Variants in MACROD2 observed in about 807,000 individuals in gnomAD.
The protein encoded by MACROD2 is ADP-ribose glycohydrolase MACROD2.
Under a neutral mutation model 70.4 loss-of-function variants are expected in MACROD2, and 36 were observed. That is an observed-to-expected ratio of 0.51 (90% confidence interval 0.39 to 0.68). MACROD2 has a LOEUF of 0.68. Ranked by LOEUF, MACROD2 falls within the 30% of genes least tolerant of loss-of-function variation. The pLI, the probability that MACROD2 is intolerant of heterozygous loss-of-function variation, is 0.00. For synonymous variants in MACROD2, 172 were observed against 178.8 expected, an observed-to-expected ratio of 0.96 and a Z score of 0.30; for missense variants, 496 against 538.4, an observed-to-expected ratio of 0.92 and a Z score of 0.78.
At chr20:15,266,873 C>G (rs1239344662) in intron 6 of MACROD2, among the ~76,000 whole-genome samples, 1 of 152,188 alleles carries the variant, frequency 6.6e-6, no homozygotes, top group Non-Finnish European at 1.5e-5. Flanking sequence ...CGTTTCTATG[C>G]AAGACATTCA....
At chr20:14,747,878 A>T (rs889460950) in intron 5 of MACROD2, among the ~76,000 whole-genome samples, 2 of 152,082 alleles carry the variant, frequency 1.3e-5, no homozygotes, top group Non-Finnish European at 2.9e-5. Flanking sequence ...CTGCATGTCT[A>T]CTAGGACAGT....
chr20:14,663,251 G>T (rs149008009), intron 4 of MACROD2, among the ~76,000 whole-genome samples: 18 of 152,118 alleles, frequency 1.2e-4, no homozygotes, highest in African/African-American at 2.4e-4. Flanking sequence ...AATGCCACAG[G>T]TTCTGACTTC....
chr20:14,587,049 T>C (rs954403993), intron 4 of MACROD2, among the ~76,000 whole-genome samples: 3 of 151,960 alleles, frequency 2.0e-5, no homozygotes, highest in African/African-American at 4.8e-5. Flanking sequence ...TTTTATAATA[T>C]CAGGTTTTAT....
intron 3 of MACROD2, among the ~76,000 whole-genome samples, chr20:14,279,076 C>T (rs1025644850): frequency 1.1e-4 from 16 of 151,998 alleles, no homozygotes; most frequent in Non-Finnish European, 2.1e-4. Flanking sequence ...CCAGGCAGGG[C>T]AGGGGAGAAT....
At chr20:15,197,607 T>G (rs199312) in intron 5 of MACROD2, among the ~76,000 whole-genome samples, 30,489 of 152,168 alleles carry the variant, frequency 0.2, 3,459 homozygotes, top group African/African-American at 0.31. Flanking sequence ...TTTTAAGTGA[T>G]TATTCTTTTT....
chr20:14,334,043 A>G (rs2082891797), intron 3 of MACROD2, among the ~76,000 whole-genome samples: 1 of 152,204 alleles, frequency 6.6e-6, no homozygotes, highest in Non-Finnish European at 1.5e-5. Context: ...ACCTGCAGAA[A>G]GCTTTTTATA....
chr20:14,643,730 A>G (rs1415913691), intron 4 of MACROD2, among the ~76,000 whole-genome samples: 1 of 152,154 alleles, frequency 6.6e-6, no homozygotes, highest in Non-Finnish European at 1.5e-5. Flanking sequence ...TACTTGGCAT[A>G]TGTGGCCCCG....
chr20:15,166,668 T>C (rs1020038424), intron 5 of MACROD2, among the ~76,000 whole-genome samples: 2 of 151,876 alleles, frequency 1.3e-5, no homozygotes, highest in Non-Finnish European at 2.9e-5. Flanking sequence ...TTCAAACAAA[T>C]TACAGATAAA....
intron 5 of MACROD2, among the ~76,000 whole-genome samples, chr20:14,721,298 A>C (rs1425939506): frequency 6.6e-6 from 1 of 151,920 alleles, no homozygotes; most frequent in Non-Finnish European, 1.5e-5. Flanking sequence ...AATCTCTCAA[A>C]TGTGAAAGTC....
At chr20:15,276,395 C>G (rs390490) in intron 6 of MACROD2, among the ~76,000 whole-genome samples, 132,719 of 144,674 alleles carry the variant, frequency 0.92, 61,575 homozygotes, top group African/African-American at 0.97. Flanking sequence ...GAGAGACTCC[C>G]TCTCAAAAAA....
In MACROD2 at chr20:15,033,155, G is replaced by T. The variant is rs184834338; in HGVS notation, c.419-196785G>T. Among the ~76,000 whole-genome samples the T allele has an allele frequency of 4.1e-3, 625 of 152,282 alleles. 5 individuals are homozygous for T. The highest frequency in any genetic ancestry group is 0.015 in the African/African-American group (605 of 41,560). On this transcript the variant is annotated intron_variant, in intron 5 of 17. Transcript: ENST00000684519. ...GTTCTGGAAATGGATAGTGGTGATG[G>T]TTGCACAAAACCGTGGATGTAATTA...
chr20:14,284,777 A>G (rs1020926287), intron 3 of MACROD2, among the ~76,000 whole-genome samples: 1 of 152,216 alleles, frequency 6.6e-6, no homozygotes, highest in Admixed American at 6.5e-5. Flanking sequence ...ATGTTGGCCT[A>G]ACTAGATGGT....
At chr20:15,542,737 C>G (rs1406256413) in intron 8 of MACROD2, among the ~76,000 whole-genome samples, 1 of 152,212 alleles carries the variant, frequency 6.6e-6, no homozygotes, top group Non-Finnish European at 1.5e-5. Context: ...CTTCATCAAA[C>G]AGCCAAGTGA....
intron 6 of MACROD2, among the ~76,000 whole-genome samples, chr20:15,273,678 C>T (rs1048168730): frequency 6.6e-6 from 1 of 152,216 alleles, no homozygotes; most frequent in Admixed American, 6.5e-5. Context: ...CTGAATTCCC[C>T]TCTGCACTTA....
At chr20:15,376,280 T>A (rs1273244556) in intron 6 of MACROD2, among the ~76,000 whole-genome samples, 2 of 152,140 alleles carry the variant, frequency 1.3e-5, no homozygotes. Context: ...TAGAAAAGTA[T>A]ATAAATATCA....
At chr20:15,934,344 G>A (rs960274858) in intron 11 of MACROD2, among the ~76,000 whole-genome samples, 9 of 152,166 alleles carry the variant, frequency 5.9e-5, no homozygotes, top group East Asian at 5.8e-4. Context: ...CCTGGAAGAC[G>A]GAACTGAAGA....
intron 5 of MACROD2, among the ~76,000 whole-genome samples, chr20:14,813,305 C>T (rs979966619): frequency 2.0e-5 from 3 of 151,650 alleles, no homozygotes; most frequent in Non-Finnish European, 2.9e-5. Flanking sequence ...GGTATTAAGC[C>T]TTACATGCAT....
At chr20:14,424,279 C>G (rs2083910246) in intron 3 of MACROD2, among the ~76,000 whole-genome samples, 1 of 151,924 alleles carries the variant, frequency 6.6e-6, no homozygotes, top group East Asian at 1.9e-4. Context: ...TTGTATCCCC[C>G]TTTTTTAAAT....
chr20:15,925,013 G>T (rs543023387), intron 10 of MACROD2, among the ~76,000 whole-genome samples: 2 of 152,198 alleles, frequency 1.3e-5, no homozygotes, highest in Admixed American at 1.3e-4. Context: ...GAGAAAGGGA[G>T]AGAACAAGGA....
Sources: gnomAD v4.1 joint callset for allele counts (sites outside exome capture counted in the v4.1 genomes callset) on GRCh38, gnomAD v4.1.1 for gene constraint, MANE v1.5 for transcripts, NCBI Gene and HGNC (gene_info 2026-07-23, HGNC 2026-07-21) for gene names.